RBFOX1: variants seen among roughly 807,000 people sequenced by gnomAD.
RBFOX1 encodes RNA binding protein fox-1 homolog 1.
In RBFOX1, 8 loss-of-function variants were observed where a neutral mutation model predicts 57.7. The observed-to-expected ratio is 0.14, with a 90% CI of 0.08 to 0.25. The LOEUF is 0.25. Ranked by LOEUF, RBFOX1 falls within the 10% of genes least tolerant of loss-of-function variation. The pLI, the probability that RBFOX1 is intolerant of heterozygous loss-of-function variation, is 1.00. For missense variants in RBFOX1, 611 were observed against 548.5 expected (o/e 1.11, Z -1.14); for synonymous variants, 326 against 222.4 (o/e 1.47, Z -4.15).
intron 1 of RBFOX1, among the ~76,000 whole-genome samples, chr16:6,064,699 C>A (rs2095736825): frequency 6.6e-6 from 1 of 151,944 alleles, no homozygotes; most frequent in Non-Finnish European, 1.5e-5. Context: ...TGCCACCACA[C>A]CCAGCTAATT....
At chr16:6,098,515 G>T (rs1216304850) in intron 1 of RBFOX1, among the ~76,000 whole-genome samples, 1 of 152,214 alleles carries the variant, frequency 6.6e-6, no homozygotes, top group East Asian at 1.9e-4. Flanking sequence ...TTGTAAGTTG[G>T]ACGCTGGAAT....
At chr16:5,994,862 A>G (rs185156605) in intron 4 of RBFOX1, among the ~76,000 whole-genome samples, 186 of 152,296 alleles carry the variant, frequency 1.2e-3, no homozygotes, top group African/African-American at 4.3e-3. Context: ...AAATGCATAC[A>G]TATCTACGAA....
At position 6,145,692 on chromosome 16, in the gene RBFOX1, T is replaced by C. The variant is rs80093638; in HGVS notation, c.-127+125700T>C. 3.7e-3 allele frequency among the ~76,000 whole-genome samples: 557 copies of C among 152,296 alleles called. 4 individuals are homozygous for C. The highest frequency in any genetic ancestry group is 0.013 in the African/African-American group (521 of 41,574). Reference sequence around the variant, plus strand: ...GGAGTCTCTTGTACCTTACCTGTAGTATTTTCAATGTTTATGGCATACGTC... The same window carrying C: ...GGAGTCTCTTGTACCTTACCTGTAGCATTTTCAATGTTTATGGCATACGTC... On this transcript the variant is annotated intron_variant, in intron 1 of 15. Transcript: ENST00000550418.
intron 3 of RBFOX1, among the ~76,000 whole-genome samples, chr16:6,843,662 C>G (rs569173197): frequency 6.6e-6 from 1 of 152,188 alleles, no homozygotes; most frequent in Non-Finnish European, 1.5e-5. Context: ...GCACTCCAGC[C>G]TGGGTGACAG....
At chr16:7,026,232 A>C (rs545359148) in intron 3 of RBFOX1, among the ~76,000 whole-genome samples, 3 of 152,150 alleles carry the variant, frequency 2.0e-5, no homozygotes, top group African/African-American at 4.8e-5. Flanking sequence ...CAAGAGGCCA[A>C]CACCCATGAA....
chr16:7,468,254 A>G (rs750506482), intron 4 of RBFOX1, among the ~76,000 whole-genome samples: 16 of 152,186 alleles, frequency 1.1e-4, no homozygotes, highest in South Asian at 2.1e-4. Flanking sequence ...GACCTTTACC[A>G]TTGGGAACAC....
rs577751891 is a variant in RBFOX1, at chr16:7,042,054, A to G, written c.-15-10003A>G. Among the ~76,000 whole-genome samples the G allele has an allele frequency of 2.6e-5, 4 of 152,286 alleles. No homozygotes were observed. In the East Asian group the frequency reaches 7.7e-4, roughly 29 times the overall value. On this transcript the variant is annotated intron_variant, in intron 3 of 15. Coordinates refer to ENST00000550418, the MANE Select transcript of RBFOX1 (RefSeq NM_018723.4). Reference sequence around the variant, plus strand: ...CTCCATTGGGGAGAAAACTGGATCTACAGAAGGGCCCAGTGCTTTGATATC... The same window carrying G: ...CTCCATTGGGGAGAAAACTGGATCTGCAGAAGGGCCCAGTGCTTTGATATC...
intron 3 of RBFOX1, among the ~76,000 whole-genome samples, chr16:6,960,907 G>A (rs148633944): frequency 6.6e-6 from 1 of 150,966 alleles, no homozygotes; most frequent in African/African-American, 2.4e-5. Flanking sequence ...GCCAAGGTGG[G>A]CGGATCACTT....
At chr16:6,877,106 TC>T (rs2061987768) in intron 3 of RBFOX1, among the ~76,000 whole-genome samples, 1 of 152,102 alleles carries the variant, frequency 6.6e-6, no homozygotes, top group East Asian at 1.9e-4. Flanking sequence ...GCATAGGCAG[TC>T]CCGCTGAAGA....
intron 4 of RBFOX1, among the ~76,000 whole-genome samples, chr16:7,104,088 G>T (rs1048789745): frequency 1.3e-5 from 2 of 152,114 alleles, no homozygotes; most frequent in African/African-American, 4.8e-5. Flanking sequence ...CAATCCCACA[G>T]ATGTCAGAAT....
chr16:7,488,680 C>T (rs1024652843), intron 4 of RBFOX1, among the ~76,000 whole-genome samples: 2 of 152,132 alleles, frequency 1.3e-5, no homozygotes, highest in African/African-American at 4.8e-5. Context: ...ATCATCTATC[C>T]ATCTATCTAT....
chr16:7,387,474 A>G (rs945572773), intron 4 of RBFOX1, among the ~76,000 whole-genome samples: 1 of 152,186 alleles, frequency 6.6e-6, no homozygotes, highest in Non-Finnish European at 1.5e-5. Flanking sequence ...GATGTACAAT[A>G]GCTGTCAGGA....
intron 4 of RBFOX1, among the ~76,000 whole-genome samples, chr16:5,988,783 AT>A (rs5815276): frequency 5.9e-5 from 9 of 151,752 alleles, no homozygotes; most frequent in East Asian, 3.9e-4. Context: ...CCCTTTCTCA[AT>A]TTTTTTTTAA....
intron 4 of RBFOX1, among the ~76,000 whole-genome samples, chr16:7,148,838 G>C (rs1444859976): frequency 6.6e-6 from 1 of 152,162 alleles, no homozygotes; most frequent in Non-Finnish European, 1.5e-5. Context: ...TATGTTTGTA[G>C]CAAAGTGACC....
chr16:5,644,746 C>G (rs1007414587), intron 3 of RBFOX1, among the ~76,000 whole-genome samples: 1 of 152,200 alleles, frequency 6.6e-6, no homozygotes, highest in African/African-American at 2.4e-5. Flanking sequence ...CTGAATAATA[C>G]TCCGTTGTAT....
At chr16:6,626,509 C>G (rs1351700296) in intron 2 of RBFOX1, among the ~76,000 whole-genome samples, 1 of 152,182 alleles carries the variant, frequency 6.6e-6, no homozygotes, top group Admixed American at 6.5e-5. Context: ...CCTGTAATCC[C>G]AGCACTTTGG....
At chr16:6,945,428 G>C (rs1288592177) in intron 3 of RBFOX1, among the ~76,000 whole-genome samples, 1 of 151,950 alleles carries the variant, frequency 6.6e-6, no homozygotes, top group Non-Finnish European at 1.5e-5. Flanking sequence ...TAGATCCAAT[G>C]GTGCCAGATT....
chr16:7,352,100 A>G (rs2146017345), intron 4 of RBFOX1, among the ~76,000 whole-genome samples: 1 of 152,202 alleles, frequency 6.6e-6, no homozygotes, highest in South Asian at 2.1e-4. Context: ...GGGGTGTATC[A>G]TTTCCACTTG....
chr16:7,233,685 TG>T (rs1180036711), intron 4 of RBFOX1, among the ~76,000 whole-genome samples: 2 of 152,192 alleles, frequency 1.3e-5, no homozygotes, highest in African/African-American at 4.8e-5. Context: ...TAGCAAAAGA[TG>T]GGGGCCCCAT....
Sources: allele counts gnomAD v4.1 joint callset (sites outside exome capture counted in the v4.1 genomes callset), GRCh38; gene constraint gnomAD v4.1.1; transcripts MANE v1.5; gene names NCBI Gene and HGNC (gene_info 2026-07-23, HGNC 2026-07-21).